CHIC2: variants seen among roughly 807,000 people sequenced by gnomAD.
CHIC2 encodes the protein cysteine-rich hydrophobic domain-containing protein 2.
A neutral mutation model predicts 25.9 loss-of-function variants in CHIC2; 14 were observed. The ratio of observed to expected loss-of-function variants is 0.54; its 90% CI spans 0.36 to 0.85. The LOEUF (loss-of-function observed/expected upper bound fraction) is 0.85, where lower values mean the gene tolerates loss of function less well. CHIC2 is among the 40% of genes least tolerant of loss of function. The probability of loss-of-function intolerance (pLI) is 0.01; values close to 1 mark genes in which losing one functional copy is unlikely to be tolerated. For missense variants in CHIC2, 146 were observed against 202.0 expected, an observed-to-expected ratio of 0.72 and a Z score of 1.68; for synonymous variants, 70 against 72.0, an observed-to-expected ratio of 0.97 and a Z score of 0.14.
chr4:54,053,951 G>A (rs991277169), intron 1 of CHIC2, among the ~76,000 whole-genome samples: 3 of 151,928 alleles, frequency 2.0e-5, no homozygotes, highest in Admixed American at 6.6e-5. Context: ...CCACCATGCT[G>A]GGCTAATTTT....
chr4:54,081,804 C>T, the CHIC2 span, among the ~76,000 whole-genome samples: 1 of 152,134 alleles, frequency 6.6e-6, no homozygotes, highest in East Asian at 1.9e-4. Context: ...TTAAGTGAGC[C>T]TCCTGCCTTG....
intron 4 of CHIC2, 42 bp downstream of exon 4, chr4:54,014,021 T>G (rs550225439): frequency 6.2e-7 from 1 of 1,606,566 alleles, no homozygotes. Context: ...TACTGTGCAA[T>G]TCAGACCCCA....
At chr4:54,049,830 C>T (rs370575227) in intron 1 of CHIC2, among the ~76,000 whole-genome samples, 16 of 151,992 alleles carry the variant, frequency 1.1e-4, no homozygotes, top group Non-Finnish European at 2.2e-4. Flanking sequence ...TACCAAGAAC[C>T]GTCTTAGGTT....
intron 3 of CHIC2, among the ~76,000 whole-genome samples, chr4:54,045,231 C>A (rs189680866): frequency 3.4e-4 from 52 of 152,318 alleles, no homozygotes; most frequent in African/African-American, 1.2e-3. Context: ...CAAGGAGGAA[C>A]TGGTACCATT....
chr4:54,073,721 G>A, the CHIC2 span, among the ~76,000 whole-genome samples: 1 of 152,128 alleles, frequency 6.6e-6, no homozygotes, highest in Non-Finnish European at 1.5e-5. Context: ...CCAAGTTTTG[G>A]GGCAATTGGT....
intron 3 of CHIC2, among the ~76,000 whole-genome samples, chr4:54,036,062 C>A (rs2110074980): frequency 6.6e-6 from 1 of 152,288 alleles, no homozygotes; most frequent in South Asian, 2.1e-4. Flanking sequence ...AGATAACCCA[C>A]TTTGTATGTT....
At chr4:54,010,236 T>A in intron 5 of CHIC2, 91 bp from the exon 6 acceptor site, 1 of 869,342 alleles carries the variant, frequency 1.2e-6, no homozygotes, top group South Asian at 1.6e-5. Context: ...TTTTTGAAAA[T>A]CCATTCACAT....
chr4:54,043,364 T>A (rs920380381), intron 3 of CHIC2, among the ~76,000 whole-genome samples: 3 of 141,082 alleles, frequency 2.1e-5, no homozygotes. Context: ...GAGCTTGCAG[T>A]GAGCAGAGAT....
intron 1 of CHIC2, among the ~76,000 whole-genome samples, chr4:54,058,242 T>G (rs925788975): frequency 3.9e-5 from 6 of 152,158 alleles, no homozygotes; most frequent in African/African-American, 1.4e-4. Flanking sequence ...TAATAATTTA[T>G]TGAATGCCTA....
At chr4:54,084,959 C>CAAAAAAAAAAAAAAAAAAAA in the CHIC2 span, among the ~76,000 whole-genome samples, 29 of 58,904 alleles carry the variant, frequency 4.9e-4, no homozygotes, top group Admixed American at 7.3e-4. Context: ...TGCTCTGTCT[C>CAAAAAAAAAAAAAAAAAAAA]AAAAAAAAAA....
At chr4:54,069,478 C>G (rs1577994480), upstream of CHIC2, among the ~76,000 whole-genome samples, 1 of 152,238 alleles carries the variant, frequency 6.6e-6, no homozygotes, top group East Asian at 1.9e-4. Context: ...TTGTTCATCT[C>G]CCTGTAATCC....
the CHIC2 span, among the ~76,000 whole-genome samples, chr4:54,071,757 G>A: frequency 4.9e-3 from 743 of 152,142 alleles, 5 homozygotes; most frequent in African/African-American, 0.016. Context: ...GGCAGATCAC[G>A]AGGTCAGGAG....
chr4:54,064,549 A>G lies in CHIC2; in HGVS notation c.-249T>C. ...TGTCAACATCCGCCCAGAGGCCGAC[A>G]CCTCCACAAGCACAGACGCCGCTGC... On this transcript the variant is annotated 5_prime_UTR_variant, in exon 1 of 6. Transcript: ENST00000263921. The surrounding 1 kb of genome is among the most constrained non-coding windows in gnomAD (Gnocchi z 4.2). 7.5e-7 allele frequency: 1 copy of G among 1,341,760 alleles called. No homozygotes were observed. Among genetic ancestry groups the G allele is most frequent in the South Asian group, 1.7e-5 (1 of 59,008 alleles). 83.1% of individuals were successfully genotyped at this position (1,341,760 alleles called of 1,614,324 possible). A position where few individuals can be genotyped will look rare whatever the true frequency, so the allele number is the denominator to read the frequency against.
chr4:54,080,972 AT>A, the CHIC2 span, among the ~76,000 whole-genome samples: 4 of 135,864 alleles, frequency 2.9e-5, no homozygotes, highest in South Asian at 2.2e-4. Flanking sequence ...ATATATATAT[AT>A]ATATATATAT....
intron 1 of CHIC2, among the ~76,000 whole-genome samples, chr4:54,053,759 T>A (rs1717080045): frequency 1.3e-5 from 2 of 152,218 alleles, no homozygotes; most frequent in Non-Finnish European, 2.9e-5. Context: ...TTCAGAAATG[T>A]ATAGTTCCTG....
intron 1 of CHIC2, among the ~76,000 whole-genome samples, chr4:54,053,741 A>C (rs747998703): frequency 6.6e-6 from 1 of 151,898 alleles, no homozygotes; most frequent in Non-Finnish European, 1.5e-5. Context: ...TTTAAATAAG[A>C]GCTATTTTTC....
At chr4:54,065,364 GT>G (rs1283089691), upstream of CHIC2, 15 of 970,098 alleles carry the variant, frequency 1.5e-5, no homozygotes, top group African/African-American at 1.8e-5. Flanking sequence ...ACATAACCTG[GT>G]TTTTGTTGTT....
chr4:54,049,137 A>G (rs1716922263), intron 2 of CHIC2, 27 bp from the exon 3 acceptor site: 1 of 1,585,448 alleles, frequency 6.3e-7, no homozygotes, highest in Non-Finnish European at 8.6e-7. Context: ...AGAAATAATA[A>G]CAATGCAATA....
chr4:54,018,193 T>TAC (rs1421475355), intron 3 of CHIC2, among the ~76,000 whole-genome samples: 2 of 152,078 alleles, frequency 1.3e-5, no homozygotes, highest in Non-Finnish European at 2.9e-5. Flanking sequence ...AGATAAGACA[T>TAC]ACCCAAATAA....
Sources: allele counts gnomAD v4.1 joint callset (sites outside exome capture counted in the v4.1 genomes callset), GRCh38; gene constraint gnomAD v4.1.1; non-coding constraint Gnocchi (gnomAD v3.1); transcripts MANE v1.5; gene names NCBI Gene and HGNC (gene_info 2026-07-23, HGNC 2026-07-21).